PLEKHA7: variants seen among roughly 807,000 people sequenced by gnomAD.
PLEKHA7 encodes the protein pleckstrin homology domain-containing family A member 7.
A neutral mutation model predicts 170.0 loss-of-function variants in PLEKHA7; 104 were observed. That is an observed-to-expected ratio of 0.61 (90% CI 0.52 to 0.72). The LOEUF is 0.72. Ranked by LOEUF, PLEKHA7 falls within the 30% of genes least tolerant of loss-of-function variation. The pLI is 0.00. For synonymous variants in PLEKHA7, 648 were observed against 660.8 expected (o/e 0.98, Z 0.30); for missense variants, 1,615 against 1,671.7 (o/e 0.97, Z 0.59).
At chr11:16,889,336 C>G (rs1856441422) in intron 3 of PLEKHA7, among the ~76,000 whole-genome samples, 1 of 147,518 alleles carries the variant, frequency 6.8e-6, no homozygotes, top group Admixed American at 6.9e-5. Context: ...CCCCATCTCC[C>G]TTCGCTGACT....
intron 3 of PLEKHA7, among the ~76,000 whole-genome samples, chr11:16,884,566 C>T (rs1352855397): frequency 1.3e-5 from 2 of 151,740 alleles, no homozygotes; most frequent in Admixed American, 6.6e-5. Flanking sequence ...ACCCAGGAGG[C>T]GGAGGTTGCA....
At chr11:16,809,308 G>A (rs1478957737) in intron 13 of PLEKHA7, among the ~76,000 whole-genome samples, 2 of 152,140 alleles carry the variant, frequency 1.3e-5, no homozygotes, top group South Asian at 4.1e-4. Context: ...GCTGATTGGG[G>A]GGCAGGGGAA....
intron 3 of PLEKHA7, among the ~76,000 whole-genome samples, chr11:16,920,542 A>G (rs1218646890): frequency 1.3e-5 from 2 of 152,238 alleles, no homozygotes; most frequent in African/African-American, 4.8e-5. Context: ...TCTTTGTAGT[A>G]TAATATTCTA....
chr11:16,945,625 A>G (rs1434750831), intron 3 of PLEKHA7, among the ~76,000 whole-genome samples: 1 of 152,260 alleles, frequency 6.6e-6, no homozygotes, highest in Non-Finnish European at 1.5e-5. Context: ...TAGAAGCTCC[A>G]TAAAGTTTCT....
intron 9 of PLEKHA7, among the ~76,000 whole-genome samples, chr11:16,831,688 C>T (rs576116068): frequency 6.6e-6 from 1 of 152,342 alleles, no homozygotes; most frequent in African/African-American, 2.4e-5. Context: ...GAACTGGTTC[C>T]ACCACATATA....
At chr11:16,885,324 C>T (rs1195053716) in intron 3 of PLEKHA7, among the ~76,000 whole-genome samples, 11 of 142,368 alleles carry the variant, frequency 7.7e-5, no homozygotes, top group African/African-American at 2.3e-4. Context: ...AGTGAGACTC[C>T]ATCTCAAAAA....
chr11:16,789,568 G>A lies in PLEKHA7; in HGVS notation c.3156+207C>T. On this transcript the variant is annotated intron_variant, in intron 22 of 26. Transcript: ENST00000531066. This position sits in a 1 kb window ranked among gnomAD's most constrained non-coding sequence, Gnocchi z 4.6. ...AGAACCCAGGGTGCAGGCTTCTTGA[G>A]CTCCCTCCTGCCACCCTGACAGGCC... 1 of 619,180 alleles carries A rather than the reference G, an allele frequency of 1.6e-6. No homozygotes were observed. Among genetic ancestry groups the A allele is most frequent in the Non-Finnish European group, 2.8e-6 (1 of 354,388 alleles). 38.4% of individuals were successfully genotyped at this position (619,180 alleles called of 1,614,324 possible). A position where few individuals can be genotyped will look rare whatever the true frequency, so the allele number is the denominator to read the frequency against.
intron 3 of PLEKHA7, among the ~76,000 whole-genome samples, chr11:16,882,127 T>G (rs1324019352): frequency 3.3e-5 from 5 of 152,192 alleles, no homozygotes; most frequent in African/African-American, 1.2e-4. Flanking sequence ...TTCCAGGGCT[T>G]AGCATAGTGC....
intron 9 of PLEKHA7, among the ~76,000 whole-genome samples, chr11:16,835,190 G>C (rs200800506): frequency 2.6e-5 from 4 of 152,274 alleles, no homozygotes; most frequent in East Asian, 3.9e-4. Flanking sequence ...AGGTTCACTT[G>C]AGCCTGGGAG....
At chr11:16,848,140 G>A (rs1423715430) in intron 8 of PLEKHA7, among the ~76,000 whole-genome samples, 1 of 152,198 alleles carries the variant, frequency 6.6e-6, no homozygotes, top group East Asian at 1.9e-4. Context: ...GATATACAAA[G>A]AACAAAATTG....
chr11:16,851,404 C>T (rs1004336315), intron 7 of PLEKHA7, 113 bp from the exon 8 acceptor site: 4 of 591,576 alleles, frequency 6.8e-6, no homozygotes, highest in Non-Finnish European at 1.2e-5. Flanking sequence ...TAATGTCCAT[C>T]CTCCCACAAC....
At chr11:16,832,759 G>A (rs749204611) in intron 9 of PLEKHA7, among the ~76,000 whole-genome samples, 4 of 152,144 alleles carry the variant, frequency 2.6e-5, no homozygotes, top group Non-Finnish European at 5.9e-5. Context: ...TTACCTAAAT[G>A]ACCAAACTAG....
chr11:16,895,606 C>A (rs1397309993), intron 3 of PLEKHA7, among the ~76,000 whole-genome samples: 2 of 152,220 alleles, frequency 1.3e-5, no homozygotes, highest in Non-Finnish European at 2.9e-5. Flanking sequence ...CACCTCCCTG[C>A]AATTCCTCAA....
At chr11:16,804,265 A>G (rs934523426) in intron 13 of PLEKHA7, among the ~76,000 whole-genome samples, 2 of 152,266 alleles carry the variant, frequency 1.3e-5, no homozygotes, top group Non-Finnish European at 2.9e-5. Flanking sequence ...GACCAGGAAA[A>G]TGGAGGGTGG....
At chr11:16,906,339 C>CCTCTCCCTCCTCTCCCTCTCCTTCTCA (rs1857698198) in intron 3 of PLEKHA7, among the ~76,000 whole-genome samples, 1 of 140,788 alleles carries the variant, frequency 7.1e-6, no homozygotes, top group Admixed American at 7.1e-5. Flanking sequence ...TCTCCCTCTC[C>CCTCTCCCTCCTCTCCCTCTCCTTCTCA]CTCTCTTTCC....
chr11:16,807,317 G>T, intron 13 of PLEKHA7: 4 of 436,574 alleles, frequency 9.2e-6, no homozygotes, highest in Non-Finnish European at 1.2e-5. Context: ...ACTGGCAAAG[G>T]GAAAACTTTA....
chr11:16,907,716 G>A (rs1201196002), intron 3 of PLEKHA7, among the ~76,000 whole-genome samples: 3 of 140,130 alleles, frequency 2.1e-5, no homozygotes, highest in African/African-American at 7.8e-5. Flanking sequence ...GCCCCTACTG[G>A]GAAGTGAGGA....
chr11:16,900,580 T>C (rs998779724), intron 3 of PLEKHA7, among the ~76,000 whole-genome samples: 2 of 152,192 alleles, frequency 1.3e-5, no homozygotes, highest in Non-Finnish European at 2.9e-5. Flanking sequence ...TTCCAGATCT[T>C]TTCCCTTTAA....
intron 3 of PLEKHA7, among the ~76,000 whole-genome samples, chr11:16,977,839 T>C (rs941208943): frequency 1.3e-5 from 2 of 152,130 alleles, no homozygotes; most frequent in Non-Finnish European, 2.9e-5. Context: ...TTATTCAACC[T>C]CTCTGAGCCT....
Sources: gnomAD v4.1 joint callset for allele counts (sites outside exome capture counted in the v4.1 genomes callset) on GRCh38, gnomAD v4.1.1 for gene constraint, Gnocchi (gnomAD v3.1) non-coding constraint, MANE v1.5 for transcripts, NCBI Gene and HGNC (gene_info 2026-07-23, HGNC 2026-07-21) for gene names.